DNAAF11: variants seen among roughly 807,000 people sequenced by gnomAD.
DNAAF11 encodes the protein leucine rich repeat containing 6.
In DNAAF11, 45 loss-of-function variants were observed where a neutral mutation model predicts 60.8. That is an observed-to-expected ratio of 0.74 (90% CI 0.58 to 0.95). The LOEUF is 0.95. DNAAF11 is among the 40% of genes least tolerant of loss of function. The pLI is 0.00. For synonymous variants in DNAAF11, 191 were observed against 183.5 expected, an observed-to-expected ratio of 1.04 and a Z score of -0.33; for missense variants, 546 against 546.2, an observed-to-expected ratio of 1.00 and a Z score of 0.00.
At chr8:132,611,525 C>A (rs1362467146) in intron 8 of DNAAF11, among the ~76,000 whole-genome samples, 162 bp from the exon 9 acceptor site, 1 of 152,098 alleles carries the variant, frequency 6.6e-6, no homozygotes. Flanking sequence ...AATTCCCAGA[C>A]CAAAGGAAAT....
intron 1 of DNAAF11, among the ~76,000 whole-genome samples, chr8:132,663,856 G>A (rs966952607): frequency 1.3e-5 from 2 of 152,232 alleles, no homozygotes; most frequent in African/African-American, 4.8e-5. Context: ...CCTAAGGGAT[G>A]TCCAAGGGTC....
rs1235417908 is a variant in DNAAF11 at position 132,671,558 on chromosome 8, A to G, written c.10+3926T>C. On this transcript the variant is annotated intron_variant, in intron 1 of 11. Transcript: ENST00000620350. Reference sequence around the variant, plus strand: ...TACTGAAATTCATATAGAAATGTAAAGGATCTGAATACAACTTTAAAAGAT... The same window carrying G: ...TACTGAAATTCATATAGAAATGTAAGGGATCTGAATACAACTTTAAAAGAT... Among the ~76,000 whole-genome samples the G allele has an allele frequency of 2.0e-5, 3 of 152,232 alleles. No individual in the cohort carries two copies. The East Asian group carries it at 5.8e-4, about 29-fold the overall frequency.
At chr8:132,621,518 G>C (rs944913030) in intron 7 of DNAAF11, among the ~76,000 whole-genome samples, 31 of 152,178 alleles carry the variant, frequency 2.0e-4, no homozygotes, top group Non-Finnish European at 3.1e-4. Context: ...GCTGCAGTGT[G>C]TGGGAAGAGT....
chr8:132,651,285 A>C (rs1372444569), intron 3 of DNAAF11, among the ~76,000 whole-genome samples: 5 of 151,952 alleles, frequency 3.3e-5, no homozygotes, highest in African/African-American at 1.2e-4. Context: ...AGAAAAAAAA[A>C]AGGATACTAG....
At chr8:132,674,001 A>AAGGAGAAGGAGAAGG (rs1406666490) in intron 1 of DNAAF11, among the ~76,000 whole-genome samples, 1 of 151,166 alleles carries the variant, frequency 6.6e-6, no homozygotes, top group Non-Finnish European at 1.5e-5. Flanking sequence ...AGCGAAGAAG[A>AAGGAGAAGGAGAAGG]AGGAGAAGGA....
chr8:132,673,863 T>C (rs1160437140), intron 1 of DNAAF11, among the ~76,000 whole-genome samples: 1 of 152,182 alleles, frequency 6.6e-6, no homozygotes, highest in Non-Finnish European at 1.5e-5. Flanking sequence ...CCTTCCTCAC[T>C]GTATCCTGCA....
At chr8:132,583,074 C>A (rs529929544) in intron 11 of DNAAF11, among the ~76,000 whole-genome samples, 2 of 152,144 alleles carry the variant, frequency 1.3e-5, no homozygotes, top group South Asian at 4.2e-4. Flanking sequence ...GTAGAGGATA[C>A]CAAGAAGGGA....
rs1563705610 is a variant in DNAAF11 at position 132,661,644 on chromosome 8, T to C, written c.11-17A>G. 1 of 1,606,690 alleles carries C rather than the reference T, an allele frequency of 6.2e-7. No homozygotes were observed. The highest frequency in any genetic ancestry group is 8.5e-7 in the Non-Finnish European group (1 of 1,173,340). On this transcript the variant is annotated splice_polypyrimidine_tract_variant and intron_variant, in intron 1 of 11. Transcript: ENST00000620350. ...CTTCTGTGACTGGAAGAAAATGTGT[T>C]ACATATTACATTTCTGTCCCCATTG...
At chr8:132,616,914 G>A (rs557250241) in intron 7 of DNAAF11, among the ~76,000 whole-genome samples, 1 of 152,276 alleles carries the variant, frequency 6.6e-6, no homozygotes, top group East Asian at 1.9e-4. Flanking sequence ...TGCAGGCTGG[G>A]GTTGGACCGC....
chr8:132,698,030 G>A, the DNAAF11 span, among the ~76,000 whole-genome samples: 30 of 152,168 alleles, frequency 2.0e-4, no homozygotes, highest in African/African-American at 7.2e-4. Context: ...AAGCACAAGT[G>A]GAAAACATCC....
intron 10 of DNAAF11, among the ~76,000 whole-genome samples, chr8:132,601,800 A>G (rs1406117483): frequency 2.6e-5 from 4 of 152,154 alleles, no homozygotes; most frequent in Non-Finnish European, 5.9e-5. Flanking sequence ...GAGGGATAGC[A>G]TTAGGAGATA....
At chr8:132,600,134 T>A (rs1817455939) in intron 10 of DNAAF11, among the ~76,000 whole-genome samples, 1 of 151,892 alleles carries the variant, frequency 6.6e-6, no homozygotes, top group Admixed American at 6.6e-5. Context: ...CAATAACAGA[T>A]GACAGAGAGC....
chr8:132,640,866 C>T (rs978860605), intron 3 of DNAAF11, among the ~76,000 whole-genome samples: 1 of 152,100 alleles, frequency 6.6e-6, no homozygotes, highest in Non-Finnish European at 1.5e-5. Flanking sequence ...TGATGTACCA[C>T]TAAGCAAGAA....
At chr8:132,674,717 C>T (rs572056407) in intron 1 of DNAAF11, among the ~76,000 whole-genome samples, 2 of 152,164 alleles carry the variant, frequency 1.3e-5, no homozygotes, top group Admixed American at 1.3e-4. Flanking sequence ...GGCAAAACCC[C>T]GTCTCTACTA....
At chr8:132,675,457 G>C in intron 1 of DNAAF11, 27 bp downstream of exon 1, 1 of 1,560,628 alleles carries the variant, frequency 6.4e-7, no homozygotes, top group Middle Eastern at 1.7e-4. Context: ...GGGAACGATC[G>C]AGGACGGAAG....
chr8:132,657,483 C>A (rs1173690250), intron 2 of DNAAF11, among the ~76,000 whole-genome samples: 1 of 152,208 alleles, frequency 6.6e-6, no homozygotes, highest in East Asian at 1.9e-4. Context: ...CCAACCCTGA[C>A]TGACTCTGGA....
intron 6 of DNAAF11, 101 bp downstream of exon 6, chr8:132,625,171 G>A: frequency 1.2e-6 from 1 of 853,136 alleles, no homozygotes. Flanking sequence ...ATATACAAGT[G>A]CTAAAGGTTT....
At chr8:132,670,571 ACT>A (rs909318721) in intron 1 of DNAAF11, among the ~76,000 whole-genome samples, 16 of 152,048 alleles carry the variant, frequency 1.1e-4, no homozygotes, top group Admixed American at 2.0e-4. Context: ...ATATACACAA[ACT>A]CTTGTAGAAA....
the DNAAF11 span, among the ~76,000 whole-genome samples, chr8:132,681,819 C>T: frequency 6.6e-6 from 1 of 152,134 alleles, no homozygotes; most frequent in Non-Finnish European, 1.5e-5. Flanking sequence ...TAGGACTTTA[C>T]TGATTTGAAT....
Sources: allele counts gnomAD v4.1 joint callset (sites outside exome capture counted in the v4.1 genomes callset), GRCh38; gene constraint gnomAD v4.1.1; transcripts MANE v1.5; gene names NCBI Gene and HGNC (gene_info 2026-07-23, HGNC 2026-07-21).